MSRA: variants seen among roughly 807,000 people sequenced by gnomAD.
MSRA encodes the protein methionine sulfoxide reductase A, also known as mitochondrial peptide methionine sulfoxide reductase.
A neutral mutation model predicts 31.3 loss-of-function variants in MSRA; 54 were observed. The ratio of observed to expected loss-of-function variants is 1.73; its 90% CI spans 1.39 to 2.17. The LOEUF (loss-of-function observed/expected upper bound fraction) is 2.17, where lower values mean the gene tolerates loss of function less well. Ranked by LOEUF, MSRA falls within the 30% of genes most tolerant of loss-of-function variation. The pLI, the probability that MSRA is intolerant of heterozygous loss-of-function variation, is 0.00. For missense variants in MSRA, 507 were observed against 300.9 expected, an observed-to-expected ratio of 1.69 and a Z score of -5.07; for synonymous variants, 169 against 116.5, an observed-to-expected ratio of 1.45 and a Z score of -2.90.
chr8:10,178,287 C>G (rs1355196567), intron 1 of MSRA, among the ~76,000 whole-genome samples: 2 of 152,082 alleles, frequency 1.3e-5, no homozygotes, highest in Non-Finnish European at 2.9e-5. Context: ...TGAATCTGAG[C>G]TGCTTAACAT....
At chr8:10,221,498 A>G (rs1327888408) in intron 2 of MSRA, among the ~76,000 whole-genome samples, 1 of 152,048 alleles carries the variant, frequency 6.6e-6, no homozygotes, top group Non-Finnish European at 1.5e-5. Context: ...ACTAAGGCTC[A>G]GAGACATTGA....
intron 1 of MSRA, among the ~76,000 whole-genome samples, chr8:10,176,633 G>A (rs28448513): frequency 0.53 from 81,146 of 152,068 alleles, 23,181 homozygotes; most frequent in African/African-American, 0.76. Flanking sequence ...TCCCCTTTTC[G>A]TGTGAAGAAT....
intron 5 of MSRA, among the ~76,000 whole-genome samples, chr8:10,343,476 G>T (rs1215577393): frequency 6.6e-6 from 1 of 152,148 alleles, no homozygotes; most frequent in African/African-American, 2.4e-5. Context: ...CTGGCATATG[G>T]TTTTCTTTTT....
intron 1 of MSRA, among the ~76,000 whole-genome samples, chr8:10,076,996 CT>C (rs1798025211): frequency 6.7e-6 from 1 of 148,446 alleles, no homozygotes; most frequent in Non-Finnish European, 1.5e-5. Context: ...TGGTGGTTTG[CT>C]GCACCTATGT....
chr8:10,331,167 T>A (rs1224443547), intron 5 of MSRA, among the ~76,000 whole-genome samples: 7 of 152,164 alleles, frequency 4.6e-5, no homozygotes, highest in Admixed American at 4.6e-4. Flanking sequence ...CCCCCAGAAC[T>A]GTAAGAAATA....
chr8:10,401,551 C>G (rs1807464536), intron 5 of MSRA, among the ~76,000 whole-genome samples: 1 of 152,198 alleles, frequency 6.6e-6, no homozygotes, highest in South Asian at 2.1e-4. Flanking sequence ...CTGCAGCAAT[C>G]TCACGCCTAT....
At chr8:10,122,628 AC>A (rs1366910245) in intron 1 of MSRA, among the ~76,000 whole-genome samples, 3 of 150,838 alleles carry the variant, frequency 2.0e-5, no homozygotes, top group African/African-American at 7.3e-5. Flanking sequence ...TTATTTTGTC[AC>A]CCGGATACCA....
chr8:10,171,577 C>T (rs554548933), intron 1 of MSRA, among the ~76,000 whole-genome samples: 223 of 152,238 alleles, frequency 1.5e-3, no homozygotes, highest in African/African-American at 5.1e-3. Context: ...GTCAGCATTG[C>T]CCTTCCCTCA....
intron 4 of MSRA, among the ~76,000 whole-genome samples, chr8:10,305,454 C>T (rs1801082296): frequency 7.2e-6 from 1 of 139,412 alleles, no homozygotes; most frequent in African/African-American, 2.7e-5. Context: ...TGCTCTGTTG[C>T]CTAGGCTGGA....
At chr8:10,316,781 T>A (rs1801752150) in intron 4 of MSRA, among the ~76,000 whole-genome samples, 1 of 152,138 alleles carries the variant, frequency 6.6e-6, no homozygotes, top group African/African-American at 2.4e-5. Context: ...CCAGGAGGTG[T>A]CACCTGGATA....
chr8:10,358,625 C>A (rs1276046529), intron 5 of MSRA, among the ~76,000 whole-genome samples: 1 of 115,044 alleles, frequency 8.7e-6, no homozygotes, highest in Non-Finnish European at 1.7e-5. Flanking sequence ...CGGAGTCTCG[C>A]TCTGTCGCCC....
chr8:10,246,711 T>C (rs895987006), intron 3 of MSRA, among the ~76,000 whole-genome samples: 1 of 152,208 alleles, frequency 6.6e-6, no homozygotes, highest in African/African-American at 2.4e-5. Flanking sequence ...ACAATGAAAA[T>C]ATTATAAAAA....
chr8:10,213,287 A>T (rs1450343045), intron 2 of MSRA, among the ~76,000 whole-genome samples: 1 of 152,080 alleles, frequency 6.6e-6, no homozygotes, highest in Non-Finnish European at 1.5e-5. Flanking sequence ...AATAAGTGAG[A>T]ACATGTGATG....
intron 3 of MSRA, among the ~76,000 whole-genome samples, chr8:10,276,139 C>T (rs969091633): frequency 1.3e-5 from 2 of 152,264 alleles, no homozygotes; most frequent in East Asian, 1.9e-4. Context: ...GGGTGACCTC[C>T]GTGGTGGTGG....
chr8:10,186,865 G>T (rs768999256), intron 1 of MSRA, among the ~76,000 whole-genome samples: 1 of 152,150 alleles, frequency 6.6e-6, no homozygotes, highest in Non-Finnish European at 1.5e-5. Context: ...TTTGAGCTCT[G>T]TATGGAGAAA....
intron 1 of MSRA, among the ~76,000 whole-genome samples, chr8:10,108,698 G>A (rs1012438269): frequency 2.6e-5 from 4 of 152,204 alleles, no homozygotes; most frequent in African/African-American, 7.2e-5. Context: ...CAGTCCTCAC[G>A]AGGGGGTGTG....
At chr8:10,332,780 C>A (rs1802780887) in intron 5 of MSRA, among the ~76,000 whole-genome samples, 1 of 152,160 alleles carries the variant, frequency 6.6e-6, no homozygotes. Context: ...TACCCTTGGG[C>A]ATTTGTTCAT....
intron 5 of MSRA, among the ~76,000 whole-genome samples, chr8:10,405,623 C>G (rs1807757239): frequency 6.6e-6 from 1 of 152,224 alleles, no homozygotes; most frequent in South Asian, 2.1e-4. Context: ...CCACTGGATG[C>G]TGATCAGAGT....
chr8:10,269,348 G>C (rs138538258), intron 3 of MSRA, among the ~76,000 whole-genome samples: 1 of 152,164 alleles, frequency 6.6e-6, no homozygotes, highest in African/African-American at 2.4e-5. Flanking sequence ...TTTTCTTCAA[G>C]AAACAGAACT....
Sources: allele counts gnomAD v4.1 joint callset (sites outside exome capture counted in the v4.1 genomes callset), GRCh38; gene constraint gnomAD v4.1.1; transcripts MANE v1.5; gene names NCBI Gene and HGNC (gene_info 2026-07-23, HGNC 2026-07-21).